NEGR1: variants seen among roughly 807,000 people sequenced by gnomAD.
NEGR1 encodes IgLON family member 4.
Under a neutral mutation model 40.9 loss-of-function variants are expected in NEGR1, and 10 were observed. That is an observed-to-expected ratio of 0.24 (90% CI 0.15 to 0.42). The LOEUF (loss-of-function observed/expected upper bound fraction) is 0.42, where lower values mean the gene tolerates loss of function less well. Ranked by LOEUF, NEGR1 falls within the 10% of genes least tolerant of loss-of-function variation. The pLI is 1.00. For missense variants in NEGR1, 352 were observed against 438.9 expected (o/e 0.80, Z 1.77); for synonymous variants, 185 against 166.8 (o/e 1.11, Z -0.84).
intron 6 of NEGR1, among the ~76,000 whole-genome samples, chr1:71,489,216 G>A (rs1481617382): frequency 6.6e-6 from 1 of 151,752 alleles, no homozygotes; most frequent in Admixed American, 6.6e-5. Flanking sequence ...TATATTCAGC[G>A]AATTGGGAGC....
chr1:72,236,528 T>G (rs557416678), intron 1 of NEGR1, among the ~76,000 whole-genome samples: 5 of 152,058 alleles, frequency 3.3e-5, no homozygotes, highest in Admixed American at 3.3e-4. Context: ...TAGTTCATCA[T>G]TGGAAATAAA....
chr1:72,020,243 AC>A (rs1490743510), intron 1 of NEGR1, among the ~76,000 whole-genome samples: 1 of 152,168 alleles, frequency 6.6e-6, no homozygotes, highest in Non-Finnish European at 1.5e-5. Context: ...GAATGCCTGA[AC>A]CACGAGAGGT....
intron 3 of NEGR1, among the ~76,000 whole-genome samples, chr1:71,732,829 A>G (rs1459331254): frequency 6.6e-6 from 1 of 152,208 alleles, no homozygotes; most frequent in African/African-American, 2.4e-5. Context: ...AATGGGAAGG[A>G]TACTACAAAA....
intron 4 of NEGR1, among the ~76,000 whole-genome samples, chr1:71,670,260 C>A (rs1322156820): frequency 6.6e-6 from 1 of 152,000 alleles, no homozygotes; most frequent in Non-Finnish European, 1.5e-5. Context: ...TTAATGTTAT[C>A]TTTCCATGTT....
chr1:71,974,321 T>G (rs1285242130), intron 1 of NEGR1, among the ~76,000 whole-genome samples: 1 of 152,228 alleles, frequency 6.6e-6, no homozygotes, highest in East Asian at 1.9e-4. Context: ...CATTAATATG[T>G]ATTCTTATGA....
intron 2 of NEGR1, among the ~76,000 whole-genome samples, chr1:71,904,854 A>C (rs904231080): frequency 2.6e-5 from 4 of 152,190 alleles, no homozygotes; most frequent in Admixed American, 6.5e-5. Context: ...ATGATTTGAC[A>C]GTCAGCAGTG....
chr1:71,850,190 C>T (rs966845916), intron 2 of NEGR1, among the ~76,000 whole-genome samples: 6 of 152,042 alleles, frequency 3.9e-5, no homozygotes, highest in South Asian at 4.1e-4. Context: ...AGTTTTTGCT[C>T]TGTCATCCAG....
chr1:71,843,179 G>A (rs551496930), intron 2 of NEGR1, among the ~76,000 whole-genome samples: 16 of 152,040 alleles, frequency 1.1e-4, no homozygotes, highest in African/African-American at 2.4e-4. Context: ...CAAGGACAGC[G>A]GCTGTCATTA....
intron 6 of NEGR1, among the ~76,000 whole-genome samples, chr1:71,461,360 A>G (rs1220935834): frequency 1.3e-5 from 2 of 152,202 alleles, no homozygotes; most frequent in Non-Finnish European, 2.9e-5. Context: ...TAAGATTTGC[A>G]TAATTAGCTA....
At chr1:71,764,254 A>T (rs1656045648) in intron 3 of NEGR1, among the ~76,000 whole-genome samples, 1 of 152,234 alleles carries the variant, frequency 6.6e-6, no homozygotes, top group South Asian at 2.1e-4. Flanking sequence ...ATGTAAAGGT[A>T]GAAAAGCAAA....
rs548740837 is a variant in NEGR1, at chr1:72,282,039, G to A, written c.176+280C>T. Reference sequence around the variant, plus strand: ...GACCTTGTGCATTGAGTTTCAAAGTGGCACCTGCCCCTCCTTCTAAACCTG... The same window carrying A: ...GACCTTGTGCATTGAGTTTCAAAGTAGCACCTGCCCCTCCTTCTAAACCTG... On this transcript the variant is annotated intron_variant, in intron 1 of 6. Transcript: ENST00000357731. 2.6e-5 allele frequency among the ~76,000 whole-genome samples: 4 copies of A among 152,196 alleles called. No individual in the cohort carries two copies. The South Asian group carries it at 6.2e-4, about 24-fold the overall frequency.
At chr1:72,263,898 T>C (rs1385276405) in intron 1 of NEGR1, among the ~76,000 whole-genome samples, 2 of 151,504 alleles carry the variant, frequency 1.3e-5, no homozygotes, top group Non-Finnish European at 3.0e-5. Flanking sequence ...GATTTTCTTA[T>C]CCCTATGTAG....
chr1:71,983,116 G>T (rs2801321), intron 1 of NEGR1, among the ~76,000 whole-genome samples: 27,112 of 151,918 alleles, frequency 0.18, 3,185 homozygotes, highest in African/African-American at 0.34. Flanking sequence ...AACAACATGG[G>T]TCATAAATAT....
intron 4 of NEGR1, among the ~76,000 whole-genome samples, chr1:71,677,024 T>C (rs1476489596): frequency 6.6e-6 from 1 of 152,206 alleles, no homozygotes. Context: ...ATGTGTGAGT[T>C]ACTTGAACTT....
At chr1:71,489,165 T>C (rs1646908062) in intron 6 of NEGR1, among the ~76,000 whole-genome samples, 1 of 151,822 alleles carries the variant, frequency 6.6e-6, no homozygotes, top group South Asian at 2.1e-4. Flanking sequence ...AAATATTCCC[T>C]TTCTCTGTCT....
At chr1:71,411,660 C>T (rs1242620746) in intron 6 of NEGR1, among the ~76,000 whole-genome samples, 1 of 152,102 alleles carries the variant, frequency 6.6e-6, no homozygotes, top group Non-Finnish European at 1.5e-5. Flanking sequence ...TAAAGGATCA[C>T]TTGGCTACTC....
chr1:71,948,168 G>C (rs1359139492), intron 1 of NEGR1, among the ~76,000 whole-genome samples: 1 of 151,988 alleles, frequency 6.6e-6, no homozygotes, highest in Non-Finnish European at 1.5e-5. Flanking sequence ...ACAACAACTG[G>C]AATGTAGCAC....
chr1:71,487,579 A>C (rs549276333), intron 6 of NEGR1, among the ~76,000 whole-genome samples: 2 of 151,854 alleles, frequency 1.3e-5, no homozygotes, highest in South Asian at 4.2e-4. Context: ...TTGTATCATT[A>C]GCCAAATTGA....
intron 1 of NEGR1, among the ~76,000 whole-genome samples, chr1:72,223,605 C>A (rs1265846341): frequency 6.6e-6 from 1 of 151,918 alleles, no homozygotes; most frequent in East Asian, 1.9e-4. Flanking sequence ...CTTATAAATG[C>A]AAAAAGTTGA....
Sources: allele counts gnomAD v4.1 joint callset (sites outside exome capture counted in the v4.1 genomes callset), GRCh38; gene constraint gnomAD v4.1.1; transcripts MANE v1.5; gene names NCBI Gene and HGNC (gene_info 2026-07-23, HGNC 2026-07-21).